GLRB: variants seen among roughly 807,000 people sequenced by gnomAD.
The protein encoded by GLRB is glycine receptor subunit beta.
GLRB carries 33 observed loss-of-function variants against 54.2 expected under a neutral mutation model. That is an observed-to-expected ratio of 0.61 (90% CI 0.46 to 0.81). GLRB has a LOEUF of 0.81. Ranked by LOEUF, GLRB falls within the 40% of genes least tolerant of loss-of-function variation. The probability of loss-of-function intolerance (pLI) is 0.00; values close to 1 mark genes in which losing one functional copy is unlikely to be tolerated. For synonymous variants in GLRB, 209 were observed against 208.2 expected (o/e 1.00, Z -0.03); for missense variants, 572 against 584.6 (o/e 0.98, Z 0.22).
At chr4:157,119,815 G>A (rs1368729954) in intron 2 of GLRB, among the ~76,000 whole-genome samples, 1 of 151,780 alleles carries the variant, frequency 6.6e-6, no homozygotes, top group Admixed American at 6.6e-5. Flanking sequence ...CCTTGTGGAA[G>A]TCAGTGTGGC....
intron 4 of GLRB, among the ~76,000 whole-genome samples, chr4:157,135,687 G>A (rs543943462): frequency 1.3e-5 from 2 of 152,110 alleles, no homozygotes; most frequent in Admixed American, 6.6e-5. Context: ...GTCTTTATTG[G>A]CAGCGTGAGA....
chr4:157,160,875 C>G (rs1443326270), intron 9 of GLRB, among the ~76,000 whole-genome samples: 1 of 152,070 alleles, frequency 6.6e-6, no homozygotes, highest in Non-Finnish European at 1.5e-5. Flanking sequence ...GAGTTCAATT[C>G]CTGGATATCT....
In GLRB at chr4:157,105,488, T is replaced by C. The variant is rs532004011; in HGVS notation, c.123-15068T>C. ...CCATGTCTTCTTGAGAAAAATGTAG[T>C]TCTTCTGCTGTTGGATGAAATGTTC... On this transcript the variant is annotated intron_variant, in intron 2 of 9. Coordinates refer to ENST00000264428, the MANE Select transcript of GLRB (RefSeq NM_000824.5). 1.5e-3 allele frequency among the ~76,000 whole-genome samples: 231 copies of C among 152,226 alleles called. 2 individuals carry two copies. The highest frequency in any genetic ancestry group is 2.5e-3 in the Non-Finnish European group (172 of 67,958).
At chr4:157,092,541 A>C (rs955660282) in intron 2 of GLRB, among the ~76,000 whole-genome samples, 2 of 152,214 alleles carry the variant, frequency 1.3e-5, no homozygotes, top group African/African-American at 4.8e-5. Flanking sequence ...AGTTAAATAT[A>C]GAACACCTAA....
chr4:157,133,608 T>C (rs560956154), intron 4 of GLRB, among the ~76,000 whole-genome samples: 1 of 152,072 alleles, frequency 6.6e-6, no homozygotes, highest in East Asian at 1.9e-4. Flanking sequence ...AAAATTAATA[T>C]GTCATTAATA....
chr4:157,096,979 T>A lies in GLRB; in HGVS notation c.122+18833T>A, dbSNP rs116256196. Among the ~76,000 whole-genome samples, 1,152 of 152,324 alleles carry A rather than the reference T, an allele frequency of 7.6e-3. 15 individuals carry two copies. The highest frequency in any genetic ancestry group is 0.026 in the African/African-American group (1,064 of 41,566). Reference sequence around the variant, plus strand: ...TTCAGTTCTCAATTTCTGCTCTGACTTTTCTTTGCTTAATTCCTTGGTTTT... The same window carrying A: ...TTCAGTTCTCAATTTCTGCTCTGACATTTCTTTGCTTAATTCCTTGGTTTT... On this transcript the variant is annotated intron_variant, in intron 2 of 9. Transcript: ENST00000264428.
At chr4:157,078,698 A>C (rs1032264644) in intron 2 of GLRB, among the ~76,000 whole-genome samples, 2 of 152,170 alleles carry the variant, frequency 1.3e-5, no homozygotes, top group Non-Finnish European at 2.9e-5. Flanking sequence ...CAGGTCATTA[A>C]ATTTGAAATT....
intron 9 of GLRB, among the ~76,000 whole-genome samples, chr4:157,165,419 T>A (rs959549990): frequency 2.6e-5 from 4 of 151,968 alleles, no homozygotes; most frequent in Non-Finnish European, 4.4e-5. Context: ...TTCAATAGAA[T>A]AACAATAATA....
chr4:157,104,010 A>G (rs1735133685), intron 2 of GLRB, among the ~76,000 whole-genome samples: 1 of 151,896 alleles, frequency 6.6e-6, no homozygotes, highest in Admixed American at 6.6e-5. Flanking sequence ...GCATACAGAG[A>G]CAATTCACTT....
chr4:157,135,162 T>C (rs1225939923), intron 4 of GLRB, among the ~76,000 whole-genome samples: 1 of 152,148 alleles, frequency 6.6e-6, no homozygotes, highest in Non-Finnish European at 1.5e-5. Context: ...GGGTCACAGC[T>C]TTAACAACAA....
intron 9 of GLRB, among the ~76,000 whole-genome samples, chr4:157,164,755 C>T (rs1737647055): frequency 6.6e-6 from 1 of 152,018 alleles, no homozygotes; most frequent in Admixed American, 6.6e-5. Context: ...AACCAGCTTT[C>T]TAGAGCATTG....
At chr4:157,099,712 AT>A (rs1265088848) in intron 2 of GLRB, among the ~76,000 whole-genome samples, 1 of 152,084 alleles carries the variant, frequency 6.6e-6, no homozygotes, top group African/African-American at 2.4e-5. Flanking sequence ...CAAGAGTAAA[AT>A]TTTTTGTATC....
intron 2 of GLRB, among the ~76,000 whole-genome samples, chr4:157,101,910 A>C (rs1735045489): frequency 6.6e-6 from 1 of 151,788 alleles, no homozygotes; most frequent in African/African-American, 2.4e-5. Flanking sequence ...AACTACATTC[A>C]TTGACATTTC....
intron 2 of GLRB, among the ~76,000 whole-genome samples, chr4:157,080,807 G>A (rs1356817596): frequency 6.6e-6 from 1 of 150,956 alleles, no homozygotes; most frequent in African/African-American, 2.4e-5. Flanking sequence ...TTTTTTTTGA[G>A]TAGAGTGGAT....
intron 2 of GLRB, among the ~76,000 whole-genome samples, chr4:157,099,536 C>T (rs1470711919): frequency 6.6e-6 from 1 of 151,962 alleles, no homozygotes; most frequent in African/African-American, 2.4e-5. Context: ...GGGGTTTCAC[C>T]ATGTTGGCCA....
At chr4:157,111,678 G>A (rs530046512) in intron 2 of GLRB, among the ~76,000 whole-genome samples, 40 of 151,968 alleles carry the variant, frequency 2.6e-4, no homozygotes, top group Admixed American at 4.6e-4. Context: ...CCTTGAGGGG[G>A]AGTAAGAGTC....
At chr4:157,155,155 A>G (rs1737179185) in intron 9 of GLRB, among the ~76,000 whole-genome samples, 1 of 152,024 alleles carries the variant, frequency 6.6e-6, no homozygotes, top group Non-Finnish European at 1.5e-5. Flanking sequence ...TTTGAGGCAG[A>G]GTCTCACTCT....
At chr4:157,100,628 G>A (rs1033609223) in intron 2 of GLRB, among the ~76,000 whole-genome samples, 1 of 152,020 alleles carries the variant, frequency 6.6e-6, no homozygotes, top group Non-Finnish European at 1.5e-5. Flanking sequence ...AAATGCTGGG[G>A]CTTTCACTGA....
chr4:157,118,376 C>A (rs182261337), intron 2 of GLRB, among the ~76,000 whole-genome samples: 2 of 151,620 alleles, frequency 1.3e-5, no homozygotes, highest in African/African-American at 2.4e-5. Context: ...AATTTTCCCA[C>A]GTGCGCTCAT....
Sources: allele counts gnomAD v4.1 joint callset (sites outside exome capture counted in the v4.1 genomes callset), GRCh38; gene constraint gnomAD v4.1.1; transcripts MANE v1.5; gene names NCBI Gene and HGNC (gene_info 2026-07-23, HGNC 2026-07-21).